CELF1: variants seen among roughly 807,000 people sequenced by gnomAD.
CELF1 encodes the protein CUGBP Elav-like family member 1.
CELF1 carries 10 observed loss-of-function variants against 61.8 expected under a neutral mutation model. That is an observed-to-expected ratio of 0.16 (90% confidence interval 0.10 to 0.27). CELF1 has a LOEUF of 0.27. Ranked by LOEUF, CELF1 falls within the 10% of genes least tolerant of loss-of-function variation. CELF1 has a pLI of 1.00. For missense variants in CELF1, 380 were observed against 639.1 expected (o/e 0.59, Z 4.37); for synonymous variants, 236 against 225.1 (o/e 1.05, Z -0.43).
At chr11:47,545,758 T>A (rs2096917326) in intron 1 of CELF1, among the ~76,000 whole-genome samples, 1 of 151,934 alleles carries the variant, frequency 6.6e-6, no homozygotes, top group Non-Finnish European at 1.5e-5. Flanking sequence ...CTCAAGCTCC[T>A]GAGCTCAAGC....
chr11:47,517,866 C>G (rs1035105171), intron 1 of CELF1, among the ~76,000 whole-genome samples: 1 of 152,108 alleles, frequency 6.6e-6, no homozygotes, highest in Admixed American at 6.5e-5. Context: ...GTTGGCCAAG[C>G]TGGTCTCGAA....
At chr11:47,535,169 A>T (rs548941105) in intron 1 of CELF1, among the ~76,000 whole-genome samples, 1 of 152,248 alleles carries the variant, frequency 6.6e-6, no homozygotes, top group South Asian at 2.1e-4. Context: ...TAATAGTTTG[A>T]GCCAGAAAAG....
intron 1 of CELF1, among the ~76,000 whole-genome samples, chr11:47,519,065 G>A (rs1264832019): frequency 6.6e-6 from 1 of 152,158 alleles, no homozygotes; most frequent in Admixed American, 6.5e-5. Flanking sequence ...GAGACAGTTA[G>A]GTTATAGGCC....
chr11:47,541,466 G>A (rs1358189243), intron 1 of CELF1, among the ~76,000 whole-genome samples: 1 of 151,954 alleles, frequency 6.6e-6, no homozygotes, highest in Non-Finnish European at 1.5e-5. Context: ...CAAGGCGGGT[G>A]GATCTCCTGA....
At chr11:47,500,822 C>G in intron 2 of CELF1, 39 bp downstream of exon 2, 1 of 398,446 alleles carries the variant, frequency 2.5e-6, no homozygotes, top group Non-Finnish European at 4.4e-6. Context: ...CCAAATTTCA[C>G]AGGCTTTCTT....
Position 47,477,391 on chromosome 11 carries a change from T to C in CELF1, c.879A>G (p.Ala293=), listed in dbSNP as rs746515819. The change falls in exon 11 of 15, where the codon GCA becomes GCG. Residue 293 remains alanine (A), a synonymous_variant. Transcript: ENST00000687097. Reference sequence around the variant, plus strand: ...GAGCTGCACTAGCTGCAGCAGCTAGTGCAGCCAAATTCTGTAACTGCATTG... The same window carrying C: ...GAGCTGCACTAGCTGCAGCAGCTAGCGCAGCCAAATTCTGTAACTGCATTG... ...LNAMQLQNLA[A]LAAAASAAQN... 2 of 1,613,916 alleles carry C rather than the reference T, an allele frequency of 1.2e-6. No homozygotes were observed. Among genetic ancestry groups the C allele is most frequent in the African/African-American group, 1.3e-5 (1 of 75,012 alleles).
At chr11:47,482,516 A>G (rs2083938217) in intron 9 of CELF1, 179 bp downstream of exon 9, 9 of 509,798 alleles carry the variant, frequency 1.8e-5, no homozygotes, top group Non-Finnish European at 2.1e-5. Context: ...AGAGATACAT[A>G]TATATAGAGA....
intron 1 of CELF1, among the ~76,000 whole-genome samples, chr11:47,540,000 A>T (rs1034870133): frequency 6.6e-6 from 1 of 152,224 alleles, no homozygotes; most frequent in African/African-American, 2.4e-5. Context: ...AATTCCTAGG[A>T]CAAAGTGATT....
In CELF1 at chr11:47,495,874, C is replaced by A. The variant is rs2092994254; in HGVS notation, c.71+3579G>T. Reference sequence around the variant, plus strand: ...TTCCTGAAACCTTTCATTATTTTTTCACTCCCCCTTTCTCATTACCTGTTG... The same window carrying A: ...TTCCTGAAACCTTTCATTATTTTTTAACTCCCCCTTTCTCATTACCTGTTG... On this transcript the variant is annotated intron_variant, in intron 3 of 14. Transcript: ENST00000687097. 4 of 482,100 alleles carry A rather than the reference C, an allele frequency of 8.3e-6. No homozygotes were observed. The South Asian group carries it at 2.6e-4, about 32-fold the overall frequency. The allele number at this position is 482,100 out of a possible 1,614,324, so 29.9% of individuals were successfully genotyped here.
chr11:47,482,230 A>ATAAC (rs922412318), intron 9 of CELF1, among the ~76,000 whole-genome samples: 7 of 151,932 alleles, frequency 4.6e-5, no homozygotes, highest in Non-Finnish European at 1.5e-5. Flanking sequence ...AAATAAATAA[A>ATAAC]TAAAGCAAAA....
In CELF1 at chr11:47,475,334, A is replaced by G; in HGVS notation, c.1273+2T>C. ...CTGACCCCGATCTCCCTTTGCACTC[A>G]CCTTCCTTCTGGCTTCCAGCAGCAC... On this transcript the variant is annotated splice_donor_variant, in intron 13 of 14. Transcript: ENST00000687097. LOFTEE classifies it high-confidence loss of function. 1 of 1,613,272 alleles carries G rather than the reference A, an allele frequency of 6.2e-7. No individual in the cohort carries two copies. The highest frequency in any genetic ancestry group is 8.5e-7 in the Non-Finnish European group (1 of 1,179,958).
intron 1 of CELF1, among the ~76,000 whole-genome samples, chr11:47,503,159 T>C (rs563791297): frequency 2.0e-5 from 3 of 152,214 alleles, no homozygotes; most frequent in South Asian, 4.1e-4. Context: ...GTGATCAATA[T>C]AGGTAAGAAA....
chr11:47,545,286 C>T (rs772488349), intron 1 of CELF1, among the ~76,000 whole-genome samples: 4 of 152,016 alleles, frequency 2.6e-5, no homozygotes, highest in Admixed American at 2.0e-4. Flanking sequence ...AAAAATTAGC[C>T]GGGCATGGTG....
intron 6 of CELF1, 76 bp from the exon 7 acceptor site, chr11:47,484,599 C>G: frequency 7.5e-7 from 1 of 1,341,560 alleles, no homozygotes; most frequent in Non-Finnish European, 1.0e-6. Context: ...GGAGCCAGAC[C>G]GCCTGGGTTT....
At chr11:47,487,953 T>A (rs866392970) in intron 4 of CELF1, among the ~76,000 whole-genome samples, 82 of 152,290 alleles carry the variant, frequency 5.4e-4, no homozygotes, top group African/African-American at 1.8e-3. Context: ...GATTTTTTTT[T>A]AAATCATGCT....
intron 1 of CELF1, among the ~76,000 whole-genome samples, chr11:47,509,514 A>G (rs1195091086): frequency 6.6e-6 from 1 of 152,136 alleles, no homozygotes; most frequent in Non-Finnish European, 1.5e-5. Context: ...TGCTGGCACC[A>G]CTGCACTCCA....
chr11:47,548,214 G>A (rs1314025237), intron 1 of CELF1, among the ~76,000 whole-genome samples: 2 of 152,012 alleles, frequency 1.3e-5, no homozygotes, highest in Admixed American at 6.6e-5. Flanking sequence ...TAGGAGAATC[G>A]CTTGAACCAG....
intron 1 of CELF1, among the ~76,000 whole-genome samples, chr11:47,547,320 G>C (rs2096988681): frequency 6.6e-6 from 1 of 152,080 alleles, no homozygotes; most frequent in Admixed American, 6.6e-5. Flanking sequence ...AACTCCAAGA[G>C]AGGAGAAGAT....
intron 1 of CELF1, chr11:47,524,468 A>G (rs994390262): frequency 1.3e-5 from 2 of 152,170 alleles, no homozygotes; most frequent in Non-Finnish European, 2.9e-5. Context: ...AGCATTCTCT[A>G]CAATTTACAA....
Sources: gnomAD v4.1 joint callset for allele counts (sites outside exome capture counted in the v4.1 genomes callset) on GRCh38, gnomAD v4.1.1 for gene constraint, MANE v1.5 for transcripts, NCBI Gene and HGNC (gene_info 2026-07-23, HGNC 2026-07-21) for gene names.